EPO: variants seen among roughly 807,000 people sequenced by gnomAD.
The protein encoded by EPO is epoetin.
A neutral mutation model predicts 24.4 loss-of-function variants in EPO; 12 were observed. That is an observed-to-expected ratio of 0.49 (90% confidence interval 0.32 to 0.80). The LOEUF is 0.80. Among genes scored for constraint, EPO ranks in the 30% least tolerant of loss-of-function variants. EPO has a pLI of 0.04. For missense variants in EPO, 210 were observed against 238.0 expected, an observed-to-expected ratio of 0.88 and a Z score of 0.77; for synonymous variants, 107 against 104.0, an observed-to-expected ratio of 1.03 and a Z score of -0.18.
chr7:100,720,779 T>TGCGCC lies in EPO; in HGVS notation c.-199_-195dup, dbSNP rs1252589782. 39 of 497,666 alleles carry TGCGCC rather than the reference T, an allele frequency of 7.8e-5. No individual in the cohort carries two copies. Among genetic ancestry groups the TGCGCC allele is most frequent in the African/African-American group, 7.2e-4 (35 of 48,894 alleles). 30.8% of individuals were successfully genotyped at this position (497,666 alleles called of 1,614,324 possible). A position where few individuals can be genotyped will look rare whatever the true frequency, so the allele number is the denominator to read the frequency against. ...GGGCCACCCCGGCCGCTCGCTGCGCTGCGCCGCACCGCGCTGTCCTCCCGG... is the reference window on the plus strand; with the variant it reads ...GGGCCACCCCGGCCGCTCGCTGCGCTGCGCCGCGCCGCACCGCGCTGTCCTCCCGG... On this transcript the variant is annotated 5_prime_UTR_variant, in exon 1 of 5. The change creates a premature stop within an existing upstream ORF in the 5' untranslated region. Coordinates refer to ENST00000252723, the MANE Select transcript of EPO (RefSeq NM_000799.4).
At position 100,721,639 on chromosome 7, in the gene EPO, T is replaced by C; in HGVS notation, c.95T>C (p.Leu32Pro). 1 of 1,613,746 alleles carries C rather than the reference T, an allele frequency of 6.2e-7. No homozygotes were observed. Among genetic ancestry groups the C allele is most frequent in the Non-Finnish European group, 8.5e-7 (1 of 1,180,014 alleles). Residue 32 changes from leucine (L) to proline (P), a missense_variant, in exon 2 of 5, where the codon CTC becomes CCC. Transcript: ENST00000252723. The surrounding 1 kb of genome is among the most constrained non-coding windows in gnomAD (Gnocchi z 4.0). ...GLPVLGAPPR[L>P]ICDSRVLERY... ...CCAGTCCTGGGCGCCCCACCACGCC[T>C]CATCTGTGACAGCCGAGTCCTGGAG...
In EPO at chr7:100,720,764, G is replaced by C. The variant is rs978272210; in HGVS notation, c.-217G>C. On this transcript the variant is annotated 5_prime_UTR_variant, in exon 1 of 5. Coordinates refer to ENST00000252723, the MANE Select transcript of EPO (RefSeq NM_000799.4). Reference sequence around the variant, plus strand: ...AGCCGCAGAGTCCCTGGGCCACCCCGGCCGCTCGCTGCGCTGCGCCGCACC... The same window carrying C: ...AGCCGCAGAGTCCCTGGGCCACCCCCGCCGCTCGCTGCGCTGCGCCGCACC... The C allele has an allele frequency of 2.7e-6, 1 of 374,890 alleles. No individual in the cohort carries two copies. Among genetic ancestry groups the C allele is most frequent in the Non-Finnish European group, 4.4e-6 (1 of 229,180 alleles). 23.2% of individuals were successfully genotyped at this position (374,890 alleles called of 1,614,324 possible). A position where few individuals can be genotyped will look rare whatever the true frequency, so the allele number is the denominator to read the frequency against.
At chr7:100,722,550 C>A (rs145824584) in intron 3 of EPO, 114 bp from the exon 4 acceptor site, 10 of 758,940 alleles carry the variant, frequency 1.3e-5, no homozygotes, top group African/African-American at 1.8e-5. Context: ...TTCATTCATT[C>A]AACAAGTCTT....
In EPO at chr7:100,721,641, A is replaced by T; in HGVS notation, c.97A>T (p.Ile33Phe). 1 of 1,613,614 alleles carries T rather than the reference A, an allele frequency of 6.2e-7. No homozygotes were observed. The highest frequency in any genetic ancestry group is 8.5e-7 in the Non-Finnish European group (1 of 1,179,982). ...AGTCCTGGGCGCCCCACCACGCCTC[A>T]TCTGTGACAGCCGAGTCCTGGAGAG... ...LPVLGAPPRL[I>F]CDSRVLERYL... Residue 33 changes from isoleucine to phenylalanine, a missense_variant, in exon 2 of 5, where the codon ATC becomes TTC. Coordinates refer to ENST00000252723, the MANE Select transcript of EPO (RefSeq NM_000799.4). This position sits in a 1 kb window ranked among gnomAD's most constrained non-coding sequence, Gnocchi z 4.0.
chr7:100,722,725 G>C lies in EPO; in HGVS notation c.308G>C (p.Arg103Pro). Residue 103 changes from arginine (R) to proline (P), a missense_variant, in exon 4 of 5, where the codon CGG (arginine) becomes CCG (proline). Physicochemically the swap from Arg to Pro is moderately radical, Grantham distance 103. Coordinates refer to ENST00000252723, the MANE Select transcript of EPO (RefSeq NM_000799.4). ...GLALLSEAVLRGQALLVNSSQ... is the reference protein window; with the variant it reads ...GLALLSEAVLPGQALLVNSSQ... ...GCCCTGCTGTCGGAAGCTGTCCTGC[G>C]GGGCCAGGCCCTGTTGGTCAACTCT... 1 of 1,613,484 alleles carries C rather than the reference G, an allele frequency of 6.2e-7. No homozygotes were observed. The highest frequency in any genetic ancestry group is 1.1e-5 in the South Asian group (1 of 91,042).
Position 100,721,089 on chromosome 7 carries a change from A to C in EPO, c.13+96A>C. 1 of 1,041,134 alleles carries C rather than the reference A, an allele frequency of 9.6e-7. No homozygotes were observed. Among genetic ancestry groups the C allele is most frequent in the Non-Finnish European group, 1.3e-6 (1 of 791,338 alleles). 64.5% of individuals were successfully genotyped at this position (1,041,134 alleles called of 1,614,324 possible). ...TATTGGCCAGGAGGTGGCTGGGTTC[A>C]AGGACCGGCGACTTGTCAAGGACCC... On this transcript the variant is annotated intron_variant, in intron 1 of 4. Coordinates refer to ENST00000252723, the MANE Select transcript of EPO (RefSeq NM_000799.4). This position sits in a 1 kb window ranked among gnomAD's most constrained non-coding sequence, Gnocchi z 4.0.
Position 100,720,845 on chromosome 7 carries a change from G to T in EPO, c.-136G>T. On this transcript the variant is annotated 5_prime_UTR_variant, in exon 1 of 5. Transcript: ENST00000252723. ...ACCGCGCCCGCTCTGCTCCGACACC[G>T]CGCCCCCTGGACAGCCGCCCTCTCC... The T allele has an allele frequency of 1.8e-6, 2 of 1,088,736 alleles. No individual in the cohort carries two copies. Among genetic ancestry groups the T allele is most frequent in the Non-Finnish European group, 2.4e-6 (2 of 832,454 alleles). The allele number at this position is 1,088,736 out of a possible 1,614,324, so 67.4% of individuals were successfully genotyped here. A position where few individuals can be genotyped will look rare whatever the true frequency, so the allele number is the denominator to read the frequency against.
chr7:100,723,219 T>C lies in EPO; in HGVS notation c.*86T>C, dbSNP rs1806780590. ...CCTCCCCCGCCACTCCTGAACCCCG[T>C]CGAGGGGCTCTCAGCTCAGCGCCAG... On this transcript the variant is annotated 3_prime_UTR_variant, in exon 5 of 5. Coordinates refer to ENST00000252723, the MANE Select transcript of EPO (RefSeq NM_000799.4). 1.3e-6 allele frequency: 2 copies of C among 1,504,948 alleles called. No individual in the cohort carries two copies. The highest frequency in any genetic ancestry group is 3.7e-5 in the Admixed American group (2 of 53,760). The allele number at this position is 1,504,948 out of a possible 1,614,324, so 93.2% of individuals were successfully genotyped here. A position where few individuals can be genotyped will look rare whatever the true frequency, so the allele number is the denominator to read the frequency against.
In EPO at chr7:100,720,570, A is replaced by G. The variant is rs1806723270; in HGVS notation, c.-411A>G. 6.6e-6 allele frequency among the ~76,000 whole-genome samples: 1 copy of G among 151,640 alleles called. No homozygotes were observed. The highest frequency in any genetic ancestry group is 2.4e-5 in the African/African-American group (1 of 41,246). ...GGAGCAGCCCCCATGACCCACACGCACGTCTGCAGCAGCCCCGCTCACGCC... is the reference window on the plus strand; with the variant it reads ...GGAGCAGCCCCCATGACCCACACGCGCGTCTGCAGCAGCCCCGCTCACGCC... On this transcript the variant is annotated 5_prime_UTR_variant, in exon 1 of 5. Transcript: ENST00000252723.
intron 3 of EPO, 149 bp downstream of exon 3, chr7:100,722,197 C>A: frequency 1.3e-6 from 1 of 756,248 alleles, no homozygotes; most frequent in Non-Finnish European, 2.1e-6. Context: ...GTCTATAATC[C>A]CAGGCTGAGA....
Position 100,720,734 on chromosome 7 carries a change from G to A in EPO, c.-247G>A, listed in dbSNP as rs990497132. On this transcript the variant is annotated 5_prime_UTR_variant, in exon 1 of 5. Coordinates refer to ENST00000252723, the MANE Select transcript of EPO (RefSeq NM_000799.4). ...ATGCAGATAACAGCCCCGACCCCCG[G>A]CCAGAGCCGCAGAGTCCCTGGGCCA... 7.8e-6 allele frequency: 3 copies of A among 382,894 alleles called. No homozygotes were observed. The highest frequency in any genetic ancestry group is 4.0e-5 in the East Asian group (1 of 24,794). 23.7% of individuals were successfully genotyped at this position (382,894 alleles called of 1,614,324 possible).
intron 3 of EPO, 132 bp from the exon 4 acceptor site, chr7:100,722,528 CTCAT>C (rs1192678959): frequency 6.8e-5 from 24 of 351,792 alleles, no homozygotes; most frequent in East Asian, 3.8e-4. Flanking sequence ...CACTCACTCA[CTCAT>C]TCATTCATTC....
Position 100,721,565 on chromosome 7 carries a change from T to C in EPO, c.21T>C (p.Pro7=). Residue 7 remains proline, a synonymous_variant, in exon 2 of 5, where the codon CCT becomes CCC. Transcript: ENST00000252723. The surrounding 1 kb of genome is among the most constrained non-coding windows in gnomAD (Gnocchi z 4.0). ...CCTGGCTATCTGTTCTAGAATGTCC[T>C]GCCTGGCTGTGGCTTCTCCTGTCCC... MGVHEC[P]AWLWLLLSLL... The C allele has an allele frequency of 6.2e-7, 1 of 1,613,988 alleles. No homozygotes were observed. The highest frequency in any genetic ancestry group is 2.2e-5 in the East Asian group (1 of 44,886).
Position 100,720,764 on chromosome 7 carries a change from G to A in EPO, c.-217G>A. The A allele has an allele frequency of 2.7e-6, 1 of 374,890 alleles. No homozygotes were observed. Among genetic ancestry groups the A allele is most frequent in the Non-Finnish European group, 4.4e-6 (1 of 229,180 alleles). 23.2% of individuals were successfully genotyped at this position (374,890 alleles called of 1,614,324 possible). Reference sequence around the variant, plus strand: ...AGCCGCAGAGTCCCTGGGCCACCCCGGCCGCTCGCTGCGCTGCGCCGCACC... The same window carrying A: ...AGCCGCAGAGTCCCTGGGCCACCCCAGCCGCTCGCTGCGCTGCGCCGCACC... On this transcript the variant is annotated 5_prime_UTR_variant, in exon 1 of 5. Transcript: ENST00000252723.
chr7:100,720,828 C>A lies in EPO; in HGVS notation c.-153C>A. ...GGAGCCGGACCGGGGCCACCGCGCC[C>A]GCTCTGCTCCGACACCGCGCCCCCT... On this transcript the variant is annotated 5_prime_UTR_variant, in exon 1 of 5. Transcript: ENST00000252723. The A allele has an allele frequency of 2.1e-6, 2 of 931,378 alleles. No homozygotes were observed. Among genetic ancestry groups the A allele is most frequent in the South Asian group, 5.8e-5 (2 of 34,254 alleles). 57.7% of individuals were successfully genotyped at this position (931,378 alleles called of 1,614,324 possible). A position where few individuals can be genotyped will look rare whatever the true frequency, so the allele number is the denominator to read the frequency against.
At chr7:100,722,504 T>C (rs1287374840) in intron 3 of EPO, among the ~76,000 whole-genome samples, 160 bp from the exon 4 acceptor site, 1 of 38,532 alleles carries the variant, frequency 2.6e-5, no homozygotes, top group Non-Finnish European at 5.3e-5. Flanking sequence ...ACATTCATTA[T>C]TCATTCACTC....
rs1293968551 is a variant in EPO at position 100,722,836 on chromosome 7, G to C, written c.419G>C (p.Gly140Ala). The change falls in exon 4 of 5, where the codon GGA becomes GCA. Residue 140 changes from glycine to alanine, a missense_variant. Gly to Ala is a moderately conservative substitution (Grantham distance 60). Coordinates refer to ENST00000252723, the MANE Select transcript of EPO (RefSeq NM_000799.4). ...CTCACCACTCTGCTTCGGGCTCTGG[G>C]AGCCCAGGTGAGTAGGAGCGGACAC... ...RSLTTLLRAL[G>A]AQKEAISPPD... 1 of 1,612,824 alleles carries C rather than the reference G, an allele frequency of 6.2e-7. No homozygotes were observed. Among genetic ancestry groups the C allele is most frequent in the Non-Finnish European group, 8.5e-7 (1 of 1,179,708 alleles).
chr7:100,721,147 G>A lies in EPO; in HGVS notation c.13+154G>A, dbSNP rs942894192. ...GGGAGGGGGGTGGGGCAGCCTCCACGTGCCAGCGGGGACTTGGGGGAGTCC... is the reference window on the plus strand; with the variant it reads ...GGGAGGGGGGTGGGGCAGCCTCCACATGCCAGCGGGGACTTGGGGGAGTCC... On this transcript the variant is annotated intron_variant, in intron 1 of 4. Coordinates refer to ENST00000252723, the MANE Select transcript of EPO (RefSeq NM_000799.4). The surrounding 1 kb of genome is among the most constrained non-coding windows in gnomAD (Gnocchi z 4.0). 1.3e-5 allele frequency among the ~76,000 whole-genome samples: 2 copies of A among 152,162 alleles called. No individual in the cohort carries two copies. The highest frequency in any genetic ancestry group is 6.5e-5 in the Admixed American group (1 of 15,282).
Position 100,721,044 on chromosome 7 carries a change from C to A in EPO, c.13+51C>A. On this transcript the variant is annotated intron_variant, in intron 1 of 4. Transcript: ENST00000252723. The surrounding 1 kb of genome is among the most constrained non-coding windows in gnomAD (Gnocchi z 4.0). ...CCGCCCGCCCGGGTCCCTGTTTGAG[C>A]GGGGATTTAGCGCCCCGGCTATTGG... 2 of 1,513,686 alleles carry A rather than the reference C, an allele frequency of 1.3e-6. No individual in the cohort carries two copies. Among genetic ancestry groups the A allele is most frequent in the East Asian group, 5.4e-5 (2 of 37,294 alleles). The allele number at this position is 1,513,686 out of a possible 1,614,324, so 93.8% of individuals were successfully genotyped here.
Sources: allele counts gnomAD v4.1 joint callset (sites outside exome capture counted in the v4.1 genomes callset), GRCh38; gene constraint gnomAD v4.1.1; non-coding constraint Gnocchi (gnomAD v3.1); transcripts MANE v1.5; gene names NCBI Gene and HGNC (gene_info 2026-07-23, HGNC 2026-07-21).